Variants in ATXN1 observed in about 807,000 individuals in gnomAD.
The protein encoded by ATXN1 is ataxin-1.
In ATXN1, 8 loss-of-function variants were observed where a neutral mutation model predicts 56.4. The observed-to-expected ratio is 0.14, with a 90% CI of 0.08 to 0.26. The LOEUF is 0.26. Among genes scored for constraint, ATXN1 ranks in the 10% least tolerant of loss-of-function variants. The pLI, the probability that ATXN1 is intolerant of heterozygous loss-of-function variation, is 1.00. For synonymous variants in ATXN1, 514 were observed against 494.6 expected (o/e 1.04, Z -0.52); for missense variants, 987 against 1,106.5 (o/e 0.89, Z 1.53).
At chr6:16,379,947 C>T (rs1762217985) in intron 6 of ATXN1, among the ~76,000 whole-genome samples, 1 of 152,178 alleles carries the variant, frequency 6.6e-6, no homozygotes, top group Non-Finnish European at 1.5e-5. Flanking sequence ...AAATAGGAAA[C>T]TTAGGTGGGT....
intron 6 of ATXN1, among the ~76,000 whole-genome samples, chr6:16,465,307 A>C (rs1760081918): frequency 6.6e-6 from 1 of 152,192 alleles, no homozygotes; most frequent in Admixed American, 6.5e-5. Context: ...AAATAGAAAA[A>C]TTAGCTGGGC....
chr6:16,473,966 T>C (rs1760273376), intron 6 of ATXN1, among the ~76,000 whole-genome samples: 3 of 152,234 alleles, frequency 2.0e-5, no homozygotes, highest in Admixed American at 2.0e-4. Context: ...CACATCTCAT[T>C]GATCATGTCA....
At chr6:16,384,655 T>C (rs929832490) in intron 6 of ATXN1, among the ~76,000 whole-genome samples, 1 of 152,232 alleles carries the variant, frequency 6.6e-6, no homozygotes, top group African/African-American at 2.4e-5. Flanking sequence ...TCCCTCTCTG[T>C]TCTCATGATA....
At chr6:16,308,818 C>A (rs562114543) in intron 7 of ATXN1, among the ~76,000 whole-genome samples, 1 of 152,082 alleles carries the variant, frequency 6.6e-6, no homozygotes, top group Non-Finnish European at 1.5e-5. Flanking sequence ...AAAGGATGCA[C>A]CAGGGCTTCT....
At chr6:16,477,220 A>G (rs1016880059) in intron 6 of ATXN1, among the ~76,000 whole-genome samples, 1 of 152,146 alleles carries the variant, frequency 6.6e-6, no homozygotes, top group African/African-American at 2.4e-5. Context: ...ACCCAAACCC[A>G]TTGCCTAGGG....
chr6:16,314,200 G>GT (rs72546604), intron 7 of ATXN1, among the ~76,000 whole-genome samples: 40,835 of 152,076 alleles, frequency 0.27, 7,287 homozygotes, highest in African/African-American at 0.51. Flanking sequence ...GTAAAATAAG[G>GT]TTTTTTTCCC....
chr6:16,644,564 GT>G (rs1763768423), intron 3 of ATXN1, among the ~76,000 whole-genome samples: 2 of 25,986 alleles, frequency 7.7e-5, no homozygotes, highest in African/African-American at 2.7e-4. Context: ...AAATTTTATG[GT>G]GTGTGTGTGT....
chr6:16,447,897 T>C lies in ATXN1; in HGVS notation c.-161+38075A>G, dbSNP rs1759666996. On this transcript the variant is annotated intron_variant, in intron 6 of 7. Transcript: ENST00000436367. ...ATTTCTCATTATTAAGTAACTGTAG[T>C]TTCAGAAAAGCTCTCCATGTGCCAT... Among the ~76,000 whole-genome samples the C allele has an allele frequency of 2.0e-5, 3 of 152,298 alleles. No homozygotes were observed. In the South Asian group the frequency reaches 6.2e-4, roughly 32 times the overall value.
chr6:16,651,359 A>T (rs1201561014), intron 3 of ATXN1, among the ~76,000 whole-genome samples: 3 of 152,170 alleles, frequency 2.0e-5, no homozygotes, highest in Non-Finnish European at 4.4e-5. Context: ...CCTGACCAAC[A>T]TGGTGAAACC....
chr6:16,747,409 G>A (rs1185401935), intron 2 of ATXN1, among the ~76,000 whole-genome samples: 1 of 152,084 alleles, frequency 6.6e-6, no homozygotes, highest in Non-Finnish European at 1.5e-5. Flanking sequence ...AATAAAGAGG[G>A]AATTACCAAA....
intron 6 of ATXN1, among the ~76,000 whole-genome samples, chr6:16,346,742 T>G (rs922371162): frequency 6.0e-5 from 9 of 150,770 alleles, no homozygotes; most frequent in Non-Finnish European, 1.5e-5. Flanking sequence ...AGCCCTCACT[T>G]GCTCTCTGCG....
At chr6:16,329,670 C>T (rs892608783) in intron 6 of ATXN1, among the ~76,000 whole-genome samples, 17 of 152,166 alleles carry the variant, frequency 1.1e-4, no homozygotes, top group African/African-American at 4.1e-4. Flanking sequence ...CCCTTCACAC[C>T]GTCCCCTTTC....
intron 3 of ATXN1, among the ~76,000 whole-genome samples, chr6:16,636,019 C>T (rs1763590690): frequency 1.3e-5 from 2 of 152,284 alleles, no homozygotes; most frequent in South Asian, 4.1e-4. Flanking sequence ...AAAAGTCACT[C>T]GCCCGTGGAG....
Position 16,327,848 on chromosome 6 carries a change from C to T in ATXN1, c.463G>A (p.Val155Ile), listed in dbSNP as rs760989672. The change falls in exon 7 of 8, where the codon GTC becomes ATC. Residue 155 changes from valine to isoleucine, a missense_variant. Physicochemically the swap from Val to Ile is conservative, Grantham distance 29 (BLOSUM62 3). Around this residue, in one of 3 missense-constraint regions of ATXN1, gnomAD observed 723 missense variants for 791.7 expected, o/e 0.91. Transcript: ENST00000436367. ...GCGGCCGAGGCCACTGCACTGGTGA[C>T]GGGGTTGGCGGTTGGGGGGATCAGC... is the stretch of plus-strand genomic sequence containing the variant. ...SQLIPPTANP[V>I]TSAVASAAGA... is the part of the protein sequence containing the mutation. The T allele has an allele frequency of 2.3e-5, 37 of 1,607,636 alleles. No individual in the cohort carries two copies. The highest frequency in any genetic ancestry group is 1.3e-4 in the East Asian group (6 of 44,866).
intron 4 of ATXN1, among the ~76,000 whole-genome samples, chr6:16,545,784 G>A (rs910298529): frequency 6.6e-6 from 1 of 152,224 alleles, no homozygotes; most frequent in Non-Finnish European, 1.5e-5. Flanking sequence ...GCACTTGGTA[G>A]CAAAGAAAGC....
chr6:16,678,572 G>A (rs759629402), intron 2 of ATXN1, among the ~76,000 whole-genome samples: 2 of 152,046 alleles, frequency 1.3e-5, no homozygotes, highest in African/African-American at 2.4e-5. Context: ...CATAGGATGT[G>A]GAATTAAGAT....
At chr6:16,743,389 C>T (rs1176811072) in intron 2 of ATXN1, among the ~76,000 whole-genome samples, 5 of 152,192 alleles carry the variant, frequency 3.3e-5, no homozygotes, top group African/African-American at 9.7e-5. Flanking sequence ...GCCAGTGGAA[C>T]AAACAGGTGC....
At chr6:16,742,894 A>G (rs955333314) in intron 2 of ATXN1, among the ~76,000 whole-genome samples, 3 of 152,210 alleles carry the variant, frequency 2.0e-5, no homozygotes, top group African/African-American at 7.2e-5. Context: ...AACCTCACTT[A>G]GAACTTCAGA....
At chr6:16,642,160 G>A (rs1276496328) in intron 3 of ATXN1, among the ~76,000 whole-genome samples, 1 of 152,204 alleles carries the variant, frequency 6.6e-6, no homozygotes, top group East Asian at 1.9e-4. Flanking sequence ...GGCCGAGGCA[G>A]GGGAATCACA....
Sources: allele counts gnomAD v4.1 joint callset (sites outside exome capture counted in the v4.1 genomes callset), GRCh38; gene constraint gnomAD v4.1.1; regional missense constraint gnomAD v4.1.1; transcripts MANE v1.5; gene names NCBI Gene and HGNC (gene_info 2026-07-23, HGNC 2026-07-21).